Variants in STPG2 observed in about 807,000 individuals in gnomAD.
STPG2 encodes sperm-tail PG-rich repeat-containing protein 2.
STPG2 carries 56 observed loss-of-function variants against 54.2 expected under a neutral mutation model. The ratio of observed to expected loss-of-function variants is 1.03; its 90% confidence interval spans 0.83 to 1.29. The LOEUF (loss-of-function observed/expected upper bound fraction) is 1.29. STPG2 is among the 50% of genes most tolerant of loss of function. The probability of loss-of-function intolerance (pLI) is 0.00; values close to 1 mark genes in which losing one functional copy is unlikely to be tolerated. For synonymous variants in STPG2, 200 were observed against 181.8 expected (o/e 1.10, Z -0.81); for missense variants, 596 against 544.9 (o/e 1.09, Z -0.93).
intron 9 of STPG2, among the ~76,000 whole-genome samples, chr4:97,778,699 A>G (rs1726479623): frequency 6.6e-6 from 1 of 152,134 alleles, no homozygotes; most frequent in South Asian, 2.1e-4. Context: ...GCAGACTGAC[A>G]CCTCACACGG....
intron 9 of STPG2, among the ~76,000 whole-genome samples, chr4:97,755,974 A>G (rs1725720363): frequency 6.6e-6 from 1 of 152,204 alleles, no homozygotes; most frequent in Non-Finnish European, 1.5e-5. Flanking sequence ...GACATAGATA[A>G]GCCCTTCAAA....
chr4:97,640,301 A>G (rs1020743552), intron 10 of STPG2, among the ~76,000 whole-genome samples: 8 of 152,200 alleles, frequency 5.3e-5, no homozygotes, highest in African/African-American at 1.9e-4. Context: ...TGCAAAACTG[A>G]ATGCCAAAGT....
At chr4:97,859,671 G>A (rs1729452287) in intron 8 of STPG2, among the ~76,000 whole-genome samples, 1 of 152,000 alleles carries the variant, frequency 6.6e-6, no homozygotes, top group Non-Finnish European at 1.5e-5. Flanking sequence ...CACCATGTTG[G>A]CCAGGCTGGT....
At chr4:98,107,858 A>G (rs1245387950) in intron 4 of STPG2, among the ~76,000 whole-genome samples, 3 of 152,110 alleles carry the variant, frequency 2.0e-5, no homozygotes, top group Non-Finnish European at 2.9e-5. Flanking sequence ...GAACAAAAGC[A>G]TATGTCAAGA....
At chr4:97,474,227 G>A (rs538278098) in intron 4 of STPG2, among the ~76,000 whole-genome samples, 2 of 151,828 alleles carry the variant, frequency 1.3e-5, no homozygotes, top group Middle Eastern at 3.4e-3. Flanking sequence ...CAATTTTTCT[G>A]TGAACGTAAA....
At chr4:97,977,174 C>T (rs956068894) in intron 6 of STPG2, among the ~76,000 whole-genome samples, 1 of 152,192 alleles carries the variant, frequency 6.6e-6, no homozygotes, top group Non-Finnish European at 1.5e-5. Flanking sequence ...TATAGCTTAA[C>T]TTCCCTTTTA....
rs527236517 is a variant in STPG2, at chr4:97,672,795, G to A, written c.1320+39904C>T. Among the ~76,000 whole-genome samples the A allele has an allele frequency of 2.0e-5, 3 of 152,238 alleles. No homozygotes were observed. The South Asian group carries it at 6.2e-4, about 32-fold the overall frequency. ...GCATTATCTTCTCTTGTCACACGAA[G>A]GCACGTGATAATGTTGACTGTAAGA... On this transcript the variant is annotated intron_variant, in intron 10 of 10. Coordinates refer to ENST00000295268, the MANE Select transcript of STPG2 (RefSeq NM_174952.3).
At chr4:98,059,299 G>C (rs1737572833) in intron 5 of STPG2, among the ~76,000 whole-genome samples, 1 of 151,914 alleles carries the variant, frequency 6.6e-6, no homozygotes, top group Non-Finnish European at 1.5e-5. Flanking sequence ...GAGAGAGGGT[G>C]AAATTCTCTA....
intron 5 of STPG2, among the ~76,000 whole-genome samples, chr4:98,028,074 A>G (rs1736481727): frequency 6.6e-6 from 1 of 152,156 alleles, no homozygotes; most frequent in African/African-American, 2.4e-5. Context: ...CATGAGTCAT[A>G]CACCTGATTT....
intron 4 of STPG2, among the ~76,000 whole-genome samples, chr4:97,511,768 C>T (rs1730978070): frequency 6.6e-6 from 1 of 151,454 alleles, no homozygotes; most frequent in Non-Finnish European, 1.5e-5. Flanking sequence ...ATATAGAAAA[C>T]AGAGCAATTA....
intron 10 of STPG2, among the ~76,000 whole-genome samples, chr4:97,627,980 G>T (rs559299132): frequency 6.6e-6 from 1 of 152,168 alleles, no homozygotes; most frequent in Admixed American, 6.5e-5. Flanking sequence ...ACATTCAAAG[G>T]ATTGAATGAG....
chr4:97,915,736 G>T (rs1044722453), intron 8 of STPG2, among the ~76,000 whole-genome samples: 106 of 152,094 alleles, frequency 7.0e-4, no homozygotes, highest in Non-Finnish European at 1.3e-3. Context: ...GGACCATAAG[G>T]CTGGAAAGTG....
chr4:97,518,691 T>C (rs969703337), intron 4 of STPG2, among the ~76,000 whole-genome samples: 12 of 152,104 alleles, frequency 7.9e-5, no homozygotes, highest in African/African-American at 2.9e-4. Flanking sequence ...CTTAGTTTGC[T>C]TTCTCTATTC....
chr4:97,505,010 G>T (rs1730814539), intron 4 of STPG2, among the ~76,000 whole-genome samples: 1 of 151,642 alleles, frequency 6.6e-6, no homozygotes, highest in Admixed American at 6.6e-5. Flanking sequence ...AGGCACAAAA[G>T]GACAGTCACA....
chr4:97,483,202 T>C (rs934697187), intron 4 of STPG2, among the ~76,000 whole-genome samples: 5 of 151,590 alleles, frequency 3.3e-5, no homozygotes, highest in Admixed American at 2.0e-4. Context: ...ACAAATACCA[T>C]GATGAATGGA....
Position 97,863,242 on chromosome 4 carries a change from T to C in STPG2, c.1045-22310A>G, listed in dbSNP as rs114988455. 5.4e-3 allele frequency among the ~76,000 whole-genome samples: 826 copies of C among 151,600 alleles called. 5 individuals are homozygous for C. Among genetic ancestry groups the C allele is most frequent in the Non-Finnish European group, 8.5e-3 (576 of 67,778 alleles). ...AAAAGAGAGAAGAATCAAACACATG[T>C]AATAAAACATGATGAAGGGGATATC... On this transcript the variant is annotated intron_variant, in intron 8 of 10. Coordinates refer to ENST00000295268, the MANE Select transcript of STPG2 (RefSeq NM_174952.3).
intron 10 of STPG2, among the ~76,000 whole-genome samples, chr4:97,672,614 T>C (rs950982664): frequency 5.3e-5 from 8 of 152,158 alleles, no homozygotes; most frequent in Admixed American, 5.2e-4. Flanking sequence ...TATCCACAAA[T>C]AGCTATGACA....
intron 4 of STPG2, among the ~76,000 whole-genome samples, chr4:97,551,898 A>G (rs1158266542): frequency 6.6e-6 from 1 of 152,196 alleles, no homozygotes; most frequent in African/African-American, 2.4e-5. Context: ...GTCCTTAGGT[A>G]ATGAGATGAT....
intron 9 of STPG2, among the ~76,000 whole-genome samples, chr4:97,807,491 G>T (rs1727605686): frequency 6.6e-6 from 1 of 151,666 alleles, no homozygotes; most frequent in Non-Finnish European, 1.5e-5. Context: ...GTGATATACT[G>T]CCTATCGTGG....
Sources: allele counts gnomAD v4.1 joint callset (sites outside exome capture counted in the v4.1 genomes callset), GRCh38; gene constraint gnomAD v4.1.1; transcripts MANE v1.5; gene names NCBI Gene and HGNC (gene_info 2026-07-23, HGNC 2026-07-21).